HIKESHI: variants seen among roughly 807,000 people sequenced by gnomAD.
HIKESHI encodes protein Hikeshi.
Under a neutral mutation model 25.7 loss-of-function variants are expected in HIKESHI, and 13 were observed. That is an observed-to-expected ratio of 0.51 (90% CI 0.33 to 0.80). The LOEUF (loss-of-function observed/expected upper bound fraction) is 0.80, where lower values mean the gene tolerates loss of function less well. HIKESHI is among the 30% of genes least tolerant of loss of function. HIKESHI has a pLI of 0.02. For missense variants in HIKESHI, 174 were observed against 229.5 expected, an observed-to-expected ratio of 0.76 and a Z score of 1.56; for synonymous variants, 76 against 78.7, an observed-to-expected ratio of 0.97 and a Z score of 0.18.
intron 3 of HIKESHI, among the ~76,000 whole-genome samples, chr11:86,341,531 G>T (rs1243976162): frequency 7.3e-6 from 1 of 136,832 alleles, no homozygotes; most frequent in East Asian, 2.1e-4. Flanking sequence ...GTCTTGCTCT[G>T]TCGCCTAGGC....
chr11:86,337,010 T>TA (rs747993653), intron 2 of HIKESHI, among the ~76,000 whole-genome samples: 59 of 151,400 alleles, frequency 3.9e-4, no homozygotes, highest in Non-Finnish European at 7.4e-4. Flanking sequence ...GAAGGAGAAA[T>TA]ACTTTCCTAG....
At chr11:86,306,176 A>G (rs1340765096) in intron 1 of HIKESHI, 69 bp from the exon 2 acceptor site, 3 of 996,996 alleles carry the variant, frequency 3.0e-6, no homozygotes, top group Non-Finnish European at 4.6e-6. Context: ...TATAACTTAT[A>G]AATGATACTG....
At chr11:86,316,507 A>G (rs1189744390) in intron 2 of HIKESHI, among the ~76,000 whole-genome samples, 1 of 152,038 alleles carries the variant, frequency 6.6e-6, no homozygotes, top group Non-Finnish European at 1.5e-5. Context: ...GTGAGACTCC[A>G]TCTTCAAAAA....
At chr11:86,345,107 C>T in intron 4 of HIKESHI, 1 of 1,064,510 alleles carries the variant, frequency 9.4e-7, no homozygotes, top group South Asian at 4.3e-5. Context: ...TTTCTTTTCA[C>T]TTTGAGTATC....
At chr11:86,303,399 T>A (rs1946544188) in intron 1 of HIKESHI, 1 of 983,720 alleles carries the variant, frequency 1.0e-6, no homozygotes, top group Non-Finnish European at 1.2e-6. Context: ...ACTAGCCTCA[T>A]AAAGTTTGTC....
chr11:86,304,156 A>T (rs1946561306), intron 1 of HIKESHI, among the ~76,000 whole-genome samples: 1 of 152,212 alleles, frequency 6.6e-6, no homozygotes, highest in South Asian at 2.1e-4. Flanking sequence ...CTGCCTTTGT[A>T]TCTTGAGACT....
intron 2 of HIKESHI, among the ~76,000 whole-genome samples, chr11:86,316,541 T>A (rs1165492627): frequency 6.6e-6 from 1 of 151,704 alleles, no homozygotes; most frequent in Non-Finnish European, 1.5e-5. Flanking sequence ...AAATAAATTT[T>A]AAAAAGGGGG....
chr11:86,323,539 G>C (rs1366706788), intron 2 of HIKESHI, among the ~76,000 whole-genome samples: 2 of 152,128 alleles, frequency 1.3e-5, no homozygotes, highest in Non-Finnish European at 1.5e-5. Context: ...CAATCAAATT[G>C]TCAATTTAAT....
chr11:86,303,542 T>A, intron 1 of HIKESHI: 1 of 232,584 alleles, frequency 4.3e-6, no homozygotes, highest in Non-Finnish European at 7.1e-6. Flanking sequence ...TGAGTGTTAT[T>A]AATGAATGAC....
intron 2 of HIKESHI, among the ~76,000 whole-genome samples, chr11:86,318,775 A>G (rs562972357): frequency 6.6e-6 from 1 of 152,354 alleles, no homozygotes; most frequent in African/African-American, 2.4e-5. Flanking sequence ...TATTTTATTT[A>G]GATGCCCATG....
At chr11:86,311,292 G>A (rs1946827270) in intron 2 of HIKESHI, among the ~76,000 whole-genome samples, 1 of 151,936 alleles carries the variant, frequency 6.6e-6, no homozygotes, top group Non-Finnish European at 1.5e-5. Flanking sequence ...GTCTTGGGAG[G>A]GTGTATGTGT....
rs1028965362 is a variant in HIKESHI at position 86,345,459 on chromosome 11, T to C, written c.540-125T>C. On this transcript the variant is annotated intron_variant, in intron 4 of 4. Coordinates refer to ENST00000278483, the MANE Select transcript of HIKESHI (RefSeq NM_016401.4). ...AATAATTACATTTCCAGATTATCTT[T>C]TTAGATTTTTTATAGCTTTTTAGAA... is the stretch of plus-strand genomic sequence containing the variant. 7 of 596,858 alleles carry C rather than the reference T, an allele frequency of 1.2e-5. No individual in the cohort carries two copies. In the African/African-American group the frequency reaches 1.4e-4, roughly 12 times the overall value. 37.0% of individuals were successfully genotyped at this position (596,858 alleles called of 1,614,324 possible). A position where few individuals can be genotyped will look rare whatever the true frequency, so the allele number is the denominator to read the frequency against.
chr11:86,310,092 A>G (rs939930750), intron 2 of HIKESHI, among the ~76,000 whole-genome samples: 8 of 147,568 alleles, frequency 5.4e-5, no homozygotes, highest in African/African-American at 1.5e-4. Flanking sequence ...GTTTTTTCCA[A>G]TTCTGCGAAG....
At chr11:86,307,137 A>G (rs1404699888) in intron 2 of HIKESHI, among the ~76,000 whole-genome samples, 1 of 118,932 alleles carries the variant, frequency 8.4e-6, no homozygotes, top group Non-Finnish European at 1.7e-5. Context: ...AATATACATC[A>G]TATATCAAAT....
chr11:86,307,020 T>C (rs1405365634), intron 2 of HIKESHI, among the ~76,000 whole-genome samples: 1 of 145,158 alleles, frequency 6.9e-6, no homozygotes, highest in Non-Finnish European at 1.5e-5. Context: ...AAAATATATA[T>C]ATATATATAA....
intron 2 of HIKESHI, 43 bp from the exon 3 acceptor site, chr11:86,337,335 AC>A: frequency 1.3e-6 from 2 of 1,569,518 alleles, no homozygotes; most frequent in Non-Finnish European, 8.6e-7. Flanking sequence ...TTGTGTGACT[AC>A]AAGTTTAATT....
intron 4 of HIKESHI, chr11:86,345,168 G>C: frequency 9.6e-7 from 1 of 1,042,282 alleles, no homozygotes; most frequent in Non-Finnish European, 1.2e-6. Context: ...TGGTACCATG[G>C]TGTAGCATGG....
intron 2 of HIKESHI, among the ~76,000 whole-genome samples, chr11:86,312,513 A>G (rs1047833996): frequency 2.0e-5 from 3 of 150,426 alleles, no homozygotes; most frequent in Non-Finnish European, 4.4e-5. Flanking sequence ...TCTTTATCCA[A>G]TTTGCCAGCC....
At chr11:86,313,578 T>C (rs1946893102) in intron 2 of HIKESHI, among the ~76,000 whole-genome samples, 1 of 152,228 alleles carries the variant, frequency 6.6e-6, no homozygotes. Flanking sequence ...AGGAAAATTA[T>C]GTTTAGGTAC....
Sources: allele counts gnomAD v4.1 joint callset (sites outside exome capture counted in the v4.1 genomes callset), GRCh38; gene constraint gnomAD v4.1.1; transcripts MANE v1.5; gene names NCBI Gene and HGNC (gene_info 2026-07-23, HGNC 2026-07-21).